The following HLA-DQA2 variants were observed in gnomAD, a reference collection of about 807,000 sequenced individuals.
HLA-DQA2 encodes major histocompatibility complex, class II, DQ alpha 2.
In HLA-DQA2, 17 loss-of-function variants were observed where a neutral mutation model predicts 21.0. The observed-to-expected ratio is 0.81, with a 90% CI of 0.56 to 1.22. The LOEUF (loss-of-function observed/expected upper bound fraction) is 1.22. HLA-DQA2 is among the 50% of genes most tolerant of loss of function. HLA-DQA2 has a pLI of 0.00. For synonymous variants in HLA-DQA2, 81 were observed against 116.5 expected (o/e 0.70, Z 1.96); for missense variants, 239 against 308.8 (o/e 0.77, Z 1.69).
At chr6:32,741,751 T>C (rs1168046245) in intron 1 of HLA-DQA2, among the ~76,000 whole-genome samples, 7 of 152,210 alleles carry the variant, frequency 4.6e-5, no homozygotes, top group African/African-American at 1.7e-4. Flanking sequence ...CTGTTTATAT[T>C]ATATCCAGAG....
chr6:32,746,035 G>A lies in HLA-DQA2; in HGVS notation c.576G>A (p.Glu192=), dbSNP rs1171480825. 10 of 1,612,248 alleles carry A rather than the reference G, an allele frequency of 6.2e-6. No homozygotes were observed. Among genetic ancestry groups the A allele is most frequent in the South Asian group, 1.1e-5 (1 of 91,070 alleles). ...SADEIYDCKV[E]HWGLDEPLLK... Reference sequence around the variant, plus strand: ...ATGAGATTTATGACTGCAAGGTGGAGCACTGGGGCCTGGACGAGCCTCTTC... The same window carrying A: ...ATGAGATTTATGACTGCAAGGTGGAACACTGGGGCCTGGACGAGCCTCTTC... Residue 192 remains glutamate, a synonymous_variant, in exon 3 of 5, where the codon GAG becomes GAA. Transcript: ENST00000374940.
intron 1 of HLA-DQA2, among the ~76,000 whole-genome samples, chr6:32,744,125 C>A (rs932519930): frequency 6.6e-6 from 1 of 152,170 alleles, no homozygotes; most frequent in Admixed American, 6.5e-5. Flanking sequence ...CCTGATTCTC[C>A]CACTATTCAG....
At chr6:32,744,673 T>TA (rs9282270) in intron 1 of HLA-DQA2, among the ~76,000 whole-genome samples, 19,172 of 88,904 alleles carry the variant, frequency 0.22, 1,455 homozygotes, top group Non-Finnish European at 0.27. Context: ...TTCTTTGGTT[T>TA]AAAAAAAAAA....
intron 3 of HLA-DQA2, 40 bp from the exon 4 acceptor site, chr6:32,746,200 C>A (rs762317175): frequency 1.4e-5 from 22 of 1,603,540 alleles, no homozygotes; most frequent in Non-Finnish European, 1.8e-5. Flanking sequence ...TGCACATGAG[C>A]ACACTGCACA....
chr6:32,746,104 C>T, intron 3 of HLA-DQA2, 32 bp downstream of exon 3: 1 of 1,485,658 alleles, frequency 6.7e-7, no homozygotes, highest in South Asian at 1.1e-5. Context: ...TCATGGGTTT[C>T]TAATAATAGA....
At chr6:32,743,001 G>A (rs1433788474) in intron 1 of HLA-DQA2, among the ~76,000 whole-genome samples, 1 of 142,646 alleles carries the variant, frequency 7.0e-6, no homozygotes, top group Non-Finnish European at 1.5e-5. Context: ...GAGTAGCTGG[G>A]ACTACAGGCG....
rs1030762103 is a variant in HLA-DQA2 at position 32,746,279 on chromosome 6, C to T, written c.653C>T (p.Thr218Ile). Reference protein sequence around the residue: ...IPAPMSELTETLVCALGLSVG... With the variant: ...IPAPMSELTEILVCALGLSVG... ...GCCCCTATGTCAGAGCTCACAGAGA[C>T]TTTGGTCTGCGCCCTGGGGTTGTCT... Residue 218 changes from threonine to isoleucine, a missense_variant, in exon 4 of 5, where the codon ACT (threonine) becomes ATT (isoleucine). By Grantham distance (89) the Thr-to-Ile change is moderately conservative (BLOSUM62 -1). Coordinates refer to ENST00000374940, the MANE Select transcript of HLA-DQA2 (RefSeq NM_020056.5). 4 of 1,613,124 alleles carry T rather than the reference C, an allele frequency of 2.5e-6. No homozygotes were observed. Among genetic ancestry groups the T allele is most frequent in the Non-Finnish European group, 3.4e-6 (4 of 1,180,044 alleles).
intron 3 of HLA-DQA2, 76 bp from the exon 4 acceptor site, chr6:32,746,164 C>CTCCA: frequency 3.1e-6 from 5 of 1,595,580 alleles, no homozygotes; most frequent in Non-Finnish European, 3.4e-6. Context: ...AGAGCCAGCC[C>CTCCA]TCCACCCCAT....
chr6:32,743,790 G>A (rs79816623), intron 1 of HLA-DQA2, among the ~76,000 whole-genome samples: 8,622 of 152,234 alleles, frequency 0.057, 705 homozygotes, highest in African/African-American at 0.18. Context: ...AGGTGAGCTG[G>A]AGGAGGAAAA....
chr6:32,745,451 T>C (rs1354513163), intron 2 of HLA-DQA2, 44 bp downstream of exon 2: 1 of 1,593,334 alleles, frequency 6.3e-7, no homozygotes, highest in Non-Finnish European at 8.6e-7. Flanking sequence ...AACTAATCTT[T>C]CATACCAAGT....
At position 32,745,946 on chromosome 6, in the gene HLA-DQA2, T is replaced by C; in HGVS notation, c.487T>C (p.Phe163Leu). The change falls in exon 3 of 5, where the codon TTC becomes CTC. Residue 163 changes from phenylalanine to leucine, a missense_variant. By Grantham distance (22) the Phe-to-Leu change is conservative. Transcript: ENST00000374940. The stretch of plus-strand genomic sequence containing the variant: ...CACAGAAGGTGTTTCTGAGACCAGC[T>C]TCCTCTCCAAGAGTGATCATTCCTT... ...SVTEGVSETS[F>L]LSKSDHSFFK... 1 of 1,613,178 alleles carries C rather than the reference T, an allele frequency of 6.2e-7. No individual in the cohort carries two copies. Among genetic ancestry groups the C allele is most frequent in the Non-Finnish European group, 8.5e-7 (1 of 1,180,050 alleles).
At chr6:32,746,559 A>G (rs1763613674) in intron 4 of HLA-DQA2, 23 bp from the exon 5 acceptor site, 1 of 874,012 alleles carries the variant, frequency 1.1e-6, no homozygotes, top group African/African-American at 1.6e-5. Flanking sequence ...AGACCCATCG[A>G]TCTCATGTCT....
intron 1 of HLA-DQA2, 118 bp from the exon 2 acceptor site, chr6:32,745,041 G>A (rs17500510): frequency 0.09 from 107,664 of 1,199,602 alleles, 5,413 homozygotes; most frequent in Middle Eastern, 0.16. Flanking sequence ...AGATTGTTCA[G>A]GGACTGTGCC....
chr6:32,744,947 G>A (rs570253289), intron 1 of HLA-DQA2, among the ~76,000 whole-genome samples: 1 of 152,060 alleles, frequency 6.6e-6, no homozygotes, highest in South Asian at 2.1e-4. Flanking sequence ...TGCCTTTGTG[G>A]AGCATATGTT....
intron 1 of HLA-DQA2, among the ~76,000 whole-genome samples, chr6:32,742,743 T>C (rs1763295090): frequency 6.6e-6 from 1 of 152,106 alleles, no homozygotes; most frequent in Non-Finnish European, 1.5e-5. Flanking sequence ...CAGGCTCGAC[T>C]TATCCATTAG....
rs757362505 is a variant in HLA-DQA2, at chr6:32,745,419, C to T, written c.331+12C>T. 6.5e-5 allele frequency: 104 copies of T among 1,607,916 alleles called. No individual in the cohort carries two copies. The highest frequency in any genetic ancestry group is 8.6e-5 in the Non-Finnish European group (101 of 1,177,716). On this transcript the variant is annotated intron_variant, in intron 2 of 4. Coordinates refer to ENST00000374940, the MANE Select transcript of HLA-DQA2 (RefSeq NM_020056.5). ...CGCTGCCACCAATGGTACGTGTCCA[C>T]CATTCCGCCTCTCTTTACTGAAACT...
At chr6:32,743,879 A>G (rs1470313960) in intron 1 of HLA-DQA2, among the ~76,000 whole-genome samples, 4 of 152,166 alleles carry the variant, frequency 2.6e-5, no homozygotes, top group Admixed American at 2.6e-4. Flanking sequence ...TGTTGAGAGG[A>G]CTTAGCTGCA....
At chr6:32,744,308 G>A (rs9276428) in intron 1 of HLA-DQA2, among the ~76,000 whole-genome samples, 1 of 149,752 alleles carries the variant, frequency 6.7e-6, no homozygotes, top group Non-Finnish European at 1.5e-5. Flanking sequence ...GCTCTGCCCT[G>A]GCATCCTCGG....
intron 1 of HLA-DQA2, among the ~76,000 whole-genome samples, chr6:32,743,977 A>T (rs1332327880): frequency 6.7e-6 from 1 of 150,356 alleles, no homozygotes; most frequent in Non-Finnish European, 1.5e-5. Flanking sequence ...GGGAGAAAAA[A>T]CAGACCCTTG....
Sources: allele counts gnomAD v4.1 joint callset (sites outside exome capture counted in the v4.1 genomes callset), GRCh38; gene constraint gnomAD v4.1.1; transcripts MANE v1.5; gene names NCBI Gene and HGNC (gene_info 2026-07-23, HGNC 2026-07-21).